PDE7B: variants seen among roughly 807,000 people sequenced by gnomAD.
PDE7B encodes 3',5'-cyclic-AMP phosphodiesterase 7B.
Under a neutral mutation model 56.2 loss-of-function variants are expected in PDE7B, and 29 were observed. The ratio of observed to expected loss-of-function variants is 0.52; its 90% CI spans 0.38 to 0.70. PDE7B has a LOEUF of 0.70. Among genes scored for constraint, PDE7B ranks in the 30% least tolerant of loss-of-function variants. The pLI is 0.00. For missense variants in PDE7B, 490 were observed against 565.0 expected (o/e 0.87, Z 1.35); for synonymous variants, 197 against 196.9 (o/e 1.00, Z 0.00).
chr6:136,033,798 A>G (rs1442761703), intron 2 of PDE7B, among the ~76,000 whole-genome samples: 1 of 152,146 alleles, frequency 6.6e-6, no homozygotes, highest in African/African-American at 2.4e-5. Context: ...GTATAGAACC[A>G]AGTTGAAAGA....
At chr6:136,023,885 A>G (rs183647374) in intron 2 of PDE7B, among the ~76,000 whole-genome samples, 185 of 152,296 alleles carry the variant, frequency 1.2e-3, no homozygotes, top group African/African-American at 4.1e-3. Flanking sequence ...TTTCGTGCCC[A>G]AAATGATGTT....
intron 1 of PDE7B, among the ~76,000 whole-genome samples, chr6:135,929,249 A>AT (rs886227849): frequency 2.5e-4 from 38 of 149,652 alleles, no homozygotes; most frequent in Admixed American, 1.0e-3. Flanking sequence ...GTTACATCAT[A>AT]TTTTTTTTTT....
intron 3 of PDE7B, among the ~76,000 whole-genome samples, chr6:136,113,292 A>T (rs566021796): frequency 6.0e-4 from 92 of 152,344 alleles, no homozygotes; most frequent in Middle Eastern, 3.4e-3. Flanking sequence ...CAATTTTGTT[A>T]AAAATAATAA....
chr6:136,186,538 T>TA (rs1248557609), intron 11 of PDE7B, among the ~76,000 whole-genome samples: 1 of 152,214 alleles, frequency 6.6e-6, no homozygotes, highest in Non-Finnish European at 1.5e-5. Context: ...ATTTTGTGGT[T>TA]ACAGAGTGAG....
intron 1 of PDE7B, among the ~76,000 whole-genome samples, chr6:135,935,448 A>T (rs1300229803): frequency 6.6e-6 from 1 of 151,378 alleles, no homozygotes; most frequent in Non-Finnish European, 1.5e-5. Context: ...CTCTTTAAGG[A>T]TTTTCATCTC....
At chr6:135,959,751 TCA>T (rs1774864237) in intron 2 of PDE7B, among the ~76,000 whole-genome samples, 2 of 148,234 alleles carry the variant, frequency 1.3e-5, no homozygotes, top group East Asian at 4.0e-4. Flanking sequence ...ATTTGGAATA[TCA>T]CAGAGTCTTT....
At chr6:136,087,941 A>G (rs1007245447) in intron 2 of PDE7B, among the ~76,000 whole-genome samples, 1 of 152,196 alleles carries the variant, frequency 6.6e-6, no homozygotes, top group African/African-American at 2.4e-5. Context: ...AAAAAAATAT[A>G]TATTATCCAT....
chr6:135,997,137 G>C (rs563409923), intron 2 of PDE7B, among the ~76,000 whole-genome samples: 5 of 151,864 alleles, frequency 3.3e-5, no homozygotes, highest in East Asian at 1.9e-4. Context: ...CAAGAAGCAG[G>C]CTGGGCACAA....
intron 2 of PDE7B, among the ~76,000 whole-genome samples, chr6:136,063,551 C>A (rs913348818): frequency 1.1e-4 from 16 of 152,166 alleles, no homozygotes; most frequent in African/African-American, 3.9e-4. Flanking sequence ...AAGATGAACC[C>A]ATCTTAATAC....
At chr6:136,037,457 G>A (rs1426558399) in intron 2 of PDE7B, 10 of 985,262 alleles carry the variant, frequency 1.0e-5, no homozygotes, top group South Asian at 4.7e-5. Context: ...GGAGGGATGT[G>A]GAGAAGGAGC....
chr6:135,880,969 G>A (rs576632159), intron 1 of PDE7B, among the ~76,000 whole-genome samples: 32 of 152,216 alleles, frequency 2.1e-4, no homozygotes, highest in African/African-American at 7.5e-4. Context: ...TTCTTTTCTA[G>A]GCAAGAGTCA....
intron 9 of PDE7B, among the ~76,000 whole-genome samples, chr6:136,174,445 T>G (rs184582594): frequency 6.6e-6 from 1 of 152,290 alleles, no homozygotes; most frequent in East Asian, 1.9e-4. Flanking sequence ...ACACTCATTT[T>G]CTGGTTCACT....
In PDE7B at chr6:135,885,890, C is replaced by A. The variant is rs537225578; in HGVS notation, c.21+33871C>A. On this transcript the variant is annotated intron_variant, in intron 1 of 12. Transcript: ENST00000308191. ...TAACTGTTAAGACAAGATGCTCTGG[C>A]GGACTCCTGTTAATTCACAGGCATG... Among the ~76,000 whole-genome samples, 14 of 151,376 alleles carry A rather than the reference C, an allele frequency of 9.2e-5. No homozygotes were observed. The Middle Eastern group carries it at 0.01, about 111-fold the overall frequency.
intron 1 of PDE7B, among the ~76,000 whole-genome samples, chr6:135,937,663 C>T (rs1306589910): frequency 1.3e-5 from 2 of 152,176 alleles, no homozygotes; most frequent in Non-Finnish European, 2.9e-5. Context: ...AGAAGGGACC[C>T]CTTTTTCCCA....
At chr6:135,874,406 C>G (rs9376161) in intron 1 of PDE7B, among the ~76,000 whole-genome samples, 4,801 of 152,264 alleles carry the variant, frequency 0.032, 143 homozygotes, top group East Asian at 0.12. Flanking sequence ...AGCTGAACAT[C>G]ACAACCTTTG....
chr6:136,121,436 G>T (rs1403551701), intron 3 of PDE7B, among the ~76,000 whole-genome samples: 3 of 152,062 alleles, frequency 2.0e-5, no homozygotes, highest in Non-Finnish European at 4.4e-5. Context: ...GTTTTGGAGA[G>T]AATTCTTGGA....
chr6:135,987,915 T>C (rs1775411209), intron 2 of PDE7B, among the ~76,000 whole-genome samples: 1 of 152,074 alleles, frequency 6.6e-6, no homozygotes, highest in South Asian at 2.1e-4. Context: ...GGTTGGGAAT[T>C]CAACAAATGA....
chr6:135,918,358 G>A lies in PDE7B; in HGVS notation c.22-29106G>A, dbSNP rs144840055. 4.4e-3 allele frequency among the ~76,000 whole-genome samples: 673 copies of A among 152,256 alleles called. 5 individuals are homozygous for A. The highest frequency in any genetic ancestry group is 0.015 in the African/African-American group (635 of 41,536). On this transcript the variant is annotated intron_variant, in intron 1 of 12. Transcript: ENST00000308191. ...TTGTTCAGTTTTGTAATAGTTTATG[G>A]CTGGATGAATTCATCATTACTGATT... is the stretch of plus-strand genomic sequence containing the variant.
chr6:136,150,870 T>TGTGTGTGTGTGTGTG (rs1554283130), intron 5 of PDE7B, among the ~76,000 whole-genome samples: 2 of 152,040 alleles, frequency 1.3e-5, no homozygotes, highest in Non-Finnish European at 2.9e-5. Context: ...TGTGTGTGTG[T>TGTGTGTGTGTGTGTG]ATGTGTATGT....
Sources: gnomAD v4.1 joint callset for allele counts (sites outside exome capture counted in the v4.1 genomes callset) on GRCh38, gnomAD v4.1.1 for gene constraint, MANE v1.5 for transcripts, NCBI Gene and HGNC (gene_info 2026-07-23, HGNC 2026-07-21) for gene names.